YLPM1: variants seen among roughly 807,000 people sequenced by gnomAD.
YLPM1 encodes YLP motif-containing protein 1.
Under a neutral mutation model 230.0 loss-of-function variants are expected in YLPM1, and 99 were observed. The observed-to-expected ratio is 0.43, with a 90% CI of 0.37 to 0.51. The LOEUF (loss-of-function observed/expected upper bound fraction) is 0.51, where lower values mean the gene tolerates loss of function less well. YLPM1 is among the 20% of genes least tolerant of loss of function. The pLI, the probability that YLPM1 is intolerant of heterozygous loss-of-function variation, is 0.00. For missense variants in YLPM1, 2,592 were observed against 2,707.7 expected (o/e 0.96, Z 0.95); for synonymous variants, 984 against 942.5 (o/e 1.04, Z -0.81).
chr14:74,780,239 C>G (rs2091079715), intron 2 of YLPM1, among the ~76,000 whole-genome samples, 166 bp from the exon 3 acceptor site: 1 of 152,142 alleles, frequency 6.6e-6, no homozygotes, highest in Non-Finnish European at 1.5e-5. Context: ...TGTGTTTTAT[C>G]TAAAGATAGA....
At chr14:74,765,316 C>A (rs1419414248) in intron 1 of YLPM1, among the ~76,000 whole-genome samples, 2 of 152,128 alleles carry the variant, frequency 1.3e-5, no homozygotes, top group Non-Finnish European at 2.9e-5. Flanking sequence ...AAAAGAGAAT[C>A]TTGTAATATA....
Position 74,799,620 on chromosome 14 carries a change from C to T in YLPM1, c.4323C>T (p.Gly1441=). 6.2e-7 allele frequency: 1 copy of T among 1,613,880 alleles called. No individual in the cohort carries two copies. ...GSDASLDSDQ[G]LGGVMVLSQR... is the part of the protein sequence containing the mutation. ...ATGCAAGCTTAGACTCTGACCAAGG[C>T]CTTGGAGGGGTAATGGTTCTCAGTC... The change falls in exon 5 of 21, where the codon GGC becomes GGT. Residue 1441 remains glycine, a synonymous_variant. Coordinates refer to ENST00000325680, the MANE Select transcript of YLPM1 (RefSeq NM_019589.3).
intron 4 of YLPM1, among the ~76,000 whole-genome samples, chr14:74,790,892 A>G (rs957337681): frequency 2.0e-5 from 3 of 152,194 alleles, no homozygotes; most frequent in African/African-American, 7.2e-5. Flanking sequence ...AGTTTTATAA[A>G]TGAAAACGGT....
chr14:74,835,897 TGTC>T lies in YLPM1; in HGVS notation c.*160_*162del. The T allele has an allele frequency of 2.2e-6, 1 of 456,362 alleles. No individual in the cohort carries two copies. Among genetic ancestry groups the T allele is most frequent in the East Asian group, 6.9e-5 (1 of 14,398 alleles). The allele number at this position is 456,362 out of a possible 1,614,324, so 28.3% of individuals were successfully genotyped here. ...TTTAGTTTTTTTTAAAGTTCTCCAG[TGTC>T]CCCAAGAGGTATTAGAATCTTGCTG... On this transcript the variant is annotated 3_prime_UTR_variant, in exon 21 of 21. Coordinates refer to ENST00000325680, the MANE Select transcript of YLPM1 (RefSeq NM_019589.3).
rs367606584 is a variant in YLPM1 at position 74,799,247 on chromosome 14, A to G, written c.3950A>G (p.Asp1317Gly). Reference protein sequence around the residue: ...EWDRDYGRPLDEQESQFRERD... With the variant: ...EWDRDYGRPLGEQESQFRERD... ...GACAGAGATTATGGGAGACCACTGG[A>G]TGAACAAGAATCACAGTTTCGTGAA... The change falls in exon 5 of 21, where the codon GAT becomes GGT. Residue 1317 changes from aspartate to glycine, a missense_variant. Around this residue, in one of 4 missense-constraint regions of YLPM1, gnomAD observed 1,862 missense variants for 1,819.8 expected, o/e 1.02. Coordinates refer to ENST00000325680, the MANE Select transcript of YLPM1 (RefSeq NM_019589.3). 3.5e-5 allele frequency: 56 copies of G among 1,614,044 alleles called. No individual in the cohort carries two copies. Among genetic ancestry groups the G allele is most frequent in the Non-Finnish European group, 4.7e-5 (55 of 1,179,900 alleles).
At chr14:74,806,753 C>T (rs1483172939) in intron 6 of YLPM1, among the ~76,000 whole-genome samples, 7 of 150,654 alleles carry the variant, frequency 4.6e-5, no homozygotes, top group Non-Finnish European at 8.9e-5. Flanking sequence ...TTATACTTTC[C>T]TCTTACAGAA....
intron 11 of YLPM1, among the ~76,000 whole-genome samples, chr14:74,815,749 G>A (rs1478461656): frequency 6.6e-6 from 1 of 151,786 alleles, no homozygotes; most frequent in African/African-American, 2.4e-5. Flanking sequence ...TTAAGTTATT[G>A]ATTTGAGACC....
In YLPM1 at chr14:74,812,678, C is replaced by G. The variant is rs745463334; in HGVS notation, c.5398C>G (p.Leu1800Val). 9 of 1,613,500 alleles carry G rather than the reference C, an allele frequency of 5.6e-6. No individual in the cohort carries two copies. Among genetic ancestry groups the G allele is most frequent in the Non-Finnish European group, 7.6e-6 (9 of 1,179,750 alleles). ...GCGAATGCCTCTGCCAGCTCCTTCA[C>G]TGAGCCACCAGCCTCCTCCAGCTCC... ...EERMPLPAPS[L>V]SHQPPPAPRV... The change falls in exon 11 of 21, where the codon CTG becomes GTG. Residue 1800 changes from leucine (L) to valine (V), a missense_variant. Around this residue, in one of 4 missense-constraint regions of YLPM1, gnomAD observed 403 missense variants for 426.7 expected, o/e 0.94. Coordinates refer to ENST00000325680, the MANE Select transcript of YLPM1 (RefSeq NM_019589.3).
At chr14:74,767,823 T>A (rs956562464) in intron 1 of YLPM1, among the ~76,000 whole-genome samples, 1 of 152,230 alleles carries the variant, frequency 6.6e-6, no homozygotes, top group Admixed American at 6.5e-5. Context: ...TCCACATTTT[T>A]TTTTTTTTTG....
In YLPM1 at chr14:74,835,514, A is replaced by G; in HGVS notation, c.*36+67A>G. ...CTTCAAAGGGTTTGAGATAAAGAAG[A>G]CAGCATATTTTGCTAAAAATGCTCT... is the stretch of plus-strand genomic sequence containing the variant. On this transcript the variant is annotated intron_variant, in intron 20 of 20. Transcript: ENST00000325680. 3.5e-6 allele frequency: 5 copies of G among 1,426,274 alleles called. No homozygotes were observed. In the South Asian group the frequency reaches 6.9e-5, roughly 20 times the overall value. The allele number at this position is 1,426,274 out of a possible 1,614,324, so 88.4% of individuals were successfully genotyped here. A position where few individuals can be genotyped will look rare whatever the true frequency, so the allele number is the denominator to read the frequency against.
At chr14:74,773,711 CTTTT>C (rs766885242) in intron 1 of YLPM1, among the ~76,000 whole-genome samples, 135 of 60,538 alleles carry the variant, frequency 2.2e-3, no homozygotes, top group African/African-American at 6.9e-3. Flanking sequence ...TGTTTTCTTT[CTTTT>C]TTTTTTTTTT....
chr14:74,804,540 T>G (rs1349351855), intron 6 of YLPM1, among the ~76,000 whole-genome samples: 1 of 152,248 alleles, frequency 6.6e-6, no homozygotes, highest in Admixed American at 6.5e-5. Flanking sequence ...TCTCTAAGCC[T>G]AGAGTCTTTT....
Position 74,782,329 on chromosome 14 carries a change from G to A in YLPM1, c.2282+4G>A. On this transcript the variant is annotated splice_donor_region_variant and intron_variant, in intron 4 of 20. Coordinates refer to ENST00000325680, the MANE Select transcript of YLPM1 (RefSeq NM_019589.3). Reference sequence around the variant, plus strand: ...TGGAAAGTCCAAGAGGCCCAAGGTAGGTCTGCTTTTTTTTCTCTTTTTTTT... The same window carrying A: ...TGGAAAGTCCAAGAGGCCCAAGGTAAGTCTGCTTTTTTTTCTCTTTTTTTT... 2.7e-6 allele frequency: 4 copies of A among 1,487,354 alleles called. No individual in the cohort carries two copies. In the South Asian group the frequency reaches 4.3e-5, roughly 16 times the overall value. The allele number at this position is 1,487,354 out of a possible 1,614,324, so 92.1% of individuals were successfully genotyped here.
At position 74,764,286 on chromosome 14, in the gene YLPM1, A is replaced by G; in HGVS notation, c.797A>G (p.Glu266Gly). 6.2e-7 allele frequency: 1 copy of G among 1,613,788 alleles called. No homozygotes were observed. Among genetic ancestry groups the G allele is most frequent in the South Asian group, 1.1e-5 (1 of 91,072 alleles). The part of the protein sequence containing the change: ...NKTTVQQEPL[E>G]SGAKNKSTEQ... ...ACAACTGTCCAGCAAGAGCCTTTGG[A>G]GAGTGGGGCCAAAAACAAGAGTACT... Residue 266 changes from glutamate (E) to glycine (G), a missense_variant, in exon 1 of 21, where the codon GAG (glutamate) becomes GGG (glycine). Glu to Gly is a moderately conservative substitution (Grantham distance 98). Around this residue, in one of 4 missense-constraint regions of YLPM1, gnomAD observed 1,862 missense variants for 1,819.8 expected, o/e 1.02. Coordinates refer to ENST00000325680, the MANE Select transcript of YLPM1 (RefSeq NM_019589.3).
chr14:74,773,624 G>A (rs2091001532), intron 1 of YLPM1, among the ~76,000 whole-genome samples: 1 of 148,652 alleles, frequency 6.7e-6, no homozygotes, highest in East Asian at 2.1e-4. Flanking sequence ...GATGTTTTCA[G>A]TATTAAAATA....
At chr14:74,789,923 C>CT (rs539251580) in intron 4 of YLPM1, among the ~76,000 whole-genome samples, 2,047 of 142,862 alleles carry the variant, frequency 0.014, 20 homozygotes, top group Middle Eastern at 0.033. Context: ...CATGTGCAGC[C>CT]TTTTTTTTTT....
chr14:74,769,259 CTTTTTTTTTTTTTTTTTT>C (rs34023289), intron 1 of YLPM1, among the ~76,000 whole-genome samples: 2 of 38,400 alleles, frequency 5.2e-5, no homozygotes, highest in East Asian at 1.2e-3. Flanking sequence ...GTATTTTTAT[CTTTTTTTTTTTTTTTTTT>C]TTTTTTTTTT....
Position 74,764,190 on chromosome 14 carries a change from G to T in YLPM1, c.701G>T (p.Arg234Leu), listed in dbSNP as rs769652703. ...CCCTCTTCTCAGGCATCTCCTTCCC[G>T]CCCCTCCCAGGGCCATTCTAAATCC... ...YLPSSQASPSRPSQGHSKSQL... is the reference protein window; with the variant it reads ...YLPSSQASPSLPSQGHSKSQL... Residue 234 changes from arginine to leucine, a missense_variant, in exon 1 of 21, where the codon CGC becomes CTC. Physicochemically the swap from Arg to Leu is moderately radical, Grantham distance 102. Transcript: ENST00000325680. The T allele has an allele frequency of 2.5e-6, 4 of 1,612,056 alleles. No homozygotes were observed. Among genetic ancestry groups the T allele is most frequent in the Admixed American group, 1.7e-5 (1 of 59,824 alleles).
intron 1 of YLPM1, among the ~76,000 whole-genome samples, chr14:74,778,026 G>A (rs1321859784): frequency 6.6e-6 from 1 of 151,754 alleles, no homozygotes; most frequent in African/African-American, 2.4e-5. Context: ...AAGAGAGAAG[G>A]CAGAGAAGAG....
Sources: allele counts gnomAD v4.1 joint callset (sites outside exome capture counted in the v4.1 genomes callset), GRCh38; gene constraint gnomAD v4.1.1; regional missense constraint gnomAD v4.1.1; transcripts MANE v1.5; gene names NCBI Gene and HGNC (gene_info 2026-07-23, HGNC 2026-07-21).